The following FBXO34 variants were observed in gnomAD, a reference collection of about 807,000 sequenced individuals.
FBXO34 encodes F-box only protein 34.
Under a neutral mutation model 24.5 loss-of-function variants are expected in FBXO34, and 12 were observed. The ratio of observed to expected loss-of-function variants is 0.49; its 90% CI spans 0.31 to 0.79. The LOEUF is 0.79. Ranked by LOEUF, FBXO34 falls within the 30% of genes least tolerant of loss-of-function variation. The pLI is 0.04. For synonymous variants in FBXO34, 320 were observed against 311.9 expected, an observed-to-expected ratio of 1.03 and a Z score of -0.27; for missense variants, 823 against 857.7, an observed-to-expected ratio of 0.96 and a Z score of 0.51.
At chr14:55,279,791 A>G (rs1315351896) in intron 1 of FBXO34, among the ~76,000 whole-genome samples, 6 of 152,214 alleles carry the variant, frequency 3.9e-5, no homozygotes, top group Admixed American at 3.9e-4. Flanking sequence ...AACCAGCATC[A>G]TGGGAGAGGA....
chr14:55,336,633 C>T lies in FBXO34; in HGVS notation c.-10-13748C>T, dbSNP rs1051566504. Among the ~76,000 whole-genome samples, 4 of 152,142 alleles carry T rather than the reference C, an allele frequency of 2.6e-5. No homozygotes were observed. In the East Asian group the frequency reaches 7.7e-4, roughly 29 times the overall value. The stretch of plus-strand genomic sequence containing the variant: ...AGAAACCCCCCACTTAGCCATCATG[C>T]AGCTTCAGCAGTTGATCATCTCATA... On this transcript the variant is annotated intron_variant, in intron 1 of 1. Coordinates refer to ENST00000313833, the MANE Select transcript of FBXO34 (RefSeq NM_017943.4).
downstream of FBXO34, among the ~76,000 whole-genome samples, chr14:55,374,829 G>T (rs1308079284): frequency 6.6e-6 from 1 of 152,150 alleles, no homozygotes. Flanking sequence ...ACAAGAGTCT[G>T]TTTCGGGACT....
chr14:55,372,381 T>G (rs1011137509), downstream of FBXO34, among the ~76,000 whole-genome samples: 2 of 152,130 alleles, frequency 1.3e-5, no homozygotes, highest in Non-Finnish European at 1.5e-5. Flanking sequence ...ATTCCTTCCC[T>G]GGGCTCCCTC....
intron 1 of FBXO34, among the ~76,000 whole-genome samples, chr14:55,297,782 T>TA (rs761747513): frequency 3.9e-5 from 6 of 152,060 alleles, no homozygotes; most frequent in African/African-American, 7.2e-5. Flanking sequence ...GATTATTTGG[T>TA]AAAAAAAGAA....
the FBXO34 span, among the ~76,000 whole-genome samples, chr14:55,429,766 C>CAAA: frequency 2.0e-3 from 105 of 52,302 alleles, no homozygotes; most frequent in African/African-American, 2.8e-3. Flanking sequence ...AACTCCGTCT[C>CAAA]AAAAAAAAAA....
intron 3 of FBXO34, among the ~76,000 whole-genome samples, chr14:55,359,916 C>CA (rs34051939): frequency 0.048 from 4,543 of 95,130 alleles, 188 homozygotes; most frequent in African/African-American, 0.13. Context: ...CTTGTGCCTA[C>CA]AAAAAAAAAA....
At chr14:55,298,599 CCGGAGCCCAGCCGGAGCGGGCGT>C in intron 1 of FBXO34, 1 of 1,007,132 alleles carries the variant, frequency 9.9e-7, no homozygotes, top group Non-Finnish European at 1.5e-6. Context: ...AGGGCGGGCG[CCGGAGCCCAGCCGGAGCGGGCGT>C]TGAAGGCTGG....
chr14:55,412,002 TC>T, the FBXO34 span: 1 of 618,070 alleles, frequency 1.6e-6, no homozygotes, highest in East Asian at 2.8e-5. Flanking sequence ...GGGCAACAGG[TC>T]CCGAAGCAGG....
At chr14:55,360,694 C>T (rs1594771386) in intron 3 of FBXO34, among the ~76,000 whole-genome samples, 1 of 152,038 alleles carries the variant, frequency 6.6e-6, no homozygotes, top group Non-Finnish European at 1.5e-5. Flanking sequence ...GTAAGCCAAA[C>T]TCCTGTTAAT....
At chr14:55,422,703 AT>A in the FBXO34 span, among the ~76,000 whole-genome samples, 1 of 151,900 alleles carries the variant, frequency 6.6e-6, no homozygotes, top group Non-Finnish European at 1.5e-5. Context: ...AATACAAAAC[AT>A]TAGCTGGGCA....
At chr14:55,325,636 C>T (rs1031360352) in intron 1 of FBXO34, among the ~76,000 whole-genome samples, 4 of 152,020 alleles carry the variant, frequency 2.6e-5, no homozygotes, top group Non-Finnish European at 4.4e-5. Context: ...CCACCACGCC[C>T]GGCTAATTTT....
chr14:55,442,246 G>C, the FBXO34 span, among the ~76,000 whole-genome samples: 1 of 151,578 alleles, frequency 6.6e-6, no homozygotes, highest in South Asian at 2.1e-4. Flanking sequence ...AAAATTAGCT[G>C]GGCATGGTAG....
intron 1 of FBXO34, among the ~76,000 whole-genome samples, chr14:55,338,146 T>C (rs1883855450): frequency 6.8e-6 from 1 of 147,418 alleles, no homozygotes; most frequent in South Asian, 2.1e-4. Flanking sequence ...GCCTCCCGGA[T>C]TCAAGCAATT....
At chr14:55,354,757 C>A (rs1054827285), downstream of FBXO34, among the ~76,000 whole-genome samples, 4 of 152,142 alleles carry the variant, frequency 2.6e-5, no homozygotes, top group African/African-American at 9.7e-5. Flanking sequence ...CATTTCTAGG[C>A]AAGTGTAGCT....
chr14:55,373,980 A>T (rs1884871374), downstream of FBXO34, among the ~76,000 whole-genome samples: 1 of 152,126 alleles, frequency 6.6e-6, no homozygotes, highest in African/African-American at 2.4e-5. Context: ...CTGGCCATAA[A>T]CTTAGATGTG....
At chr14:55,299,722 G>A (rs969367059) in intron 1 of FBXO34, among the ~76,000 whole-genome samples, 2 of 152,036 alleles carry the variant, frequency 1.3e-5, no homozygotes, top group Admixed American at 6.6e-5. Context: ...CAAGTTTGTG[G>A]TTATCACTTT....
chr14:55,379,105 G>A, the FBXO34 span, among the ~76,000 whole-genome samples: 1 of 152,208 alleles, frequency 6.6e-6, no homozygotes, highest in South Asian at 2.1e-4. Flanking sequence ...CCATGAAAAT[G>A]TGAGCTCCAA....
At chr14:55,370,509 C>T (rs1452081821), downstream of FBXO34, among the ~76,000 whole-genome samples, 1 of 152,116 alleles carries the variant, frequency 6.6e-6, no homozygotes, top group African/African-American at 2.4e-5. Flanking sequence ...CAGGAGAAAA[C>T]AATTTTTATT....
chr14:55,294,878 G>A (rs757907612), intron 1 of FBXO34, among the ~76,000 whole-genome samples: 72 of 152,204 alleles, frequency 4.7e-4, no homozygotes, highest in Non-Finnish European at 7.1e-4. Context: ...CTTACGTCCC[G>A]ATAAATCAGT....
Sources: gnomAD v4.1 joint callset for allele counts (sites outside exome capture counted in the v4.1 genomes callset) on GRCh38, gnomAD v4.1.1 for gene constraint, MANE v1.5 for transcripts, NCBI Gene and HGNC (gene_info 2026-07-23, HGNC 2026-07-21) for gene names.